Variants in ZNF423 observed in about 807,000 individuals in gnomAD.
ZNF423 encodes the protein zinc finger protein 423.
A neutral mutation model predicts 95.8 loss-of-function variants in ZNF423; 12 were observed. The ratio of observed to expected loss-of-function variants is 0.13; its 90% confidence interval spans 0.08 to 0.20. The LOEUF is 0.20. ZNF423 is among the 10% of genes least tolerant of loss of function. The probability of loss-of-function intolerance (pLI) is 1.00; values close to 1 mark genes in which losing one functional copy is unlikely to be tolerated. For synonymous variants in ZNF423, 749 were observed against 711.9 expected, an observed-to-expected ratio of 1.05 and a Z score of -0.83; for missense variants, 1,316 against 1,737.1, an observed-to-expected ratio of 0.76 and a Z score of 4.31.
At chr16:49,789,462 C>T in intron 2 of ZNF423, 25 bp downstream of exon 2, 2 of 1,609,286 alleles carry the variant, frequency 1.2e-6, no homozygotes, top group Non-Finnish European at 1.7e-6. Context: ...CCCTGCAACT[C>T]TTCCACCAGC....
chr16:49,517,962 A>G, intron 7 of ZNF423: 2 of 453,842 alleles, frequency 4.4e-6, no homozygotes, highest in Admixed American at 2.4e-5. Context: ...TAGGAGCAGC[A>G]CGTCGTTTTG....
intron 1 of ZNF423, among the ~76,000 whole-genome samples, chr16:49,810,923 G>A (rs970964623): frequency 7.9e-5 from 12 of 152,130 alleles, no homozygotes; most frequent in African/African-American, 2.4e-5. Context: ...AGAAGTTCAC[G>A]GGCCCACGAG....
At chr16:49,618,898 C>T (rs1971966607) in intron 5 of ZNF423, among the ~76,000 whole-genome samples, 1 of 152,138 alleles carries the variant, frequency 6.6e-6, no homozygotes, top group African/African-American at 2.4e-5. Flanking sequence ...TTCTCCAGCC[C>T]ATATCCTCCT....
chr16:49,638,444 C>A lies in ZNF423; in HGVS notation c.732G>T (p.Ser244=). 1.2e-6 allele frequency: 2 copies of A among 1,613,888 alleles called. No homozygotes were observed. Among genetic ancestry groups the A allele is most frequent in the Non-Finnish European group, 1.7e-6 (2 of 1,180,044 alleles). ...VCKRGFSSTS[S]LQSHMQAHKK... is the part of the protein sequence containing the mutation. ...TGTGGGCCTGCATGTGGCTCTGCAGCGAGCTGGTGGAGGAGAAGCCGCGCT... is the reference window on the plus strand; with the variant it reads ...TGTGGGCCTGCATGTGGCTCTGCAGAGAGCTGGTGGAGGAGAAGCCGCGCT... Residue 244 remains serine (S), a synonymous_variant, in exon 4 of 8, where the codon TCG becomes TCT. Coordinates refer to ENST00000563137, the MANE Select transcript of ZNF423 (RefSeq NM_001379286.1). The surrounding 1 kb of genome is among the most constrained non-coding windows in gnomAD (Gnocchi z 5.6).
At chr16:49,630,921 C>T (rs540765416) in intron 4 of ZNF423, among the ~76,000 whole-genome samples, 2 of 152,202 alleles carry the variant, frequency 1.3e-5, no homozygotes, top group African/African-American at 4.8e-5. Context: ...CACATACACA[C>T]AAGACACACA....
chr16:49,512,878 T>C (rs1004238014), intron 7 of ZNF423, among the ~76,000 whole-genome samples: 1 of 152,030 alleles, frequency 6.6e-6, no homozygotes, highest in Non-Finnish European at 1.5e-5. Context: ...AGTGGGTCAC[T>C]TGAGGTCAGA....
chr16:49,555,732 A>G (rs1007247561), intron 5 of ZNF423, among the ~76,000 whole-genome samples: 2 of 152,158 alleles, frequency 1.3e-5, no homozygotes, highest in African/African-American at 4.8e-5. Flanking sequence ...GAGTGGGCGG[A>G]TGGAAGGATA....
chr16:49,741,130 C>A (rs1215687685), intron 2 of ZNF423, among the ~76,000 whole-genome samples: 3 of 151,900 alleles, frequency 2.0e-5, no homozygotes, highest in African/African-American at 7.3e-5. Context: ...GGAGTGAGCA[C>A]ACAGAAGCCC....
rs148466702 is a variant in ZNF423, at chr16:49,764,245, C to T, written c.100+25242G>A. Among the ~76,000 whole-genome samples the T allele has an allele frequency of 3.9e-5, 6 of 152,320 alleles. No individual in the cohort carries two copies. The East Asian group carries it at 1.2e-3, about 29-fold the overall frequency. ...CGCAGCCTCTCACCACCAGTCCCCTCCAGCATAAGAGAAGACCATGCTGCA... is the reference window on the plus strand; with the variant it reads ...CGCAGCCTCTCACCACCAGTCCCCTTCAGCATAAGAGAAGACCATGCTGCA... On this transcript the variant is annotated intron_variant, in intron 2 of 7. Transcript: ENST00000563137.
intron 5 of ZNF423, among the ~76,000 whole-genome samples, chr16:49,570,124 A>G (rs544636722): frequency 6.6e-6 from 1 of 152,196 alleles, no homozygotes; most frequent in East Asian, 1.9e-4. Context: ...CACAAATGAC[A>G]CTGGCACACT....
chr16:49,858,617 G>A (rs191427545), upstream of ZNF423, among the ~76,000 whole-genome samples: 10 of 151,486 alleles, frequency 6.6e-5, no homozygotes, highest in East Asian at 2.0e-3. This position sits in a 1 kb window ranked among gnomAD's most constrained non-coding sequence, Gnocchi z 4.3. Flanking sequence ...CTTGAGGGCC[G>A]CCCCTCCCCA....
chr16:49,607,615 T>C (rs1971581275), intron 5 of ZNF423, among the ~76,000 whole-genome samples: 1 of 152,234 alleles, frequency 6.6e-6, no homozygotes, highest in Admixed American at 6.5e-5. Context: ...GTTTTAGTCA[T>C]ATGAAAGTAA....
At chr16:49,699,328 A>G (rs2032090803) in intron 3 of ZNF423, among the ~76,000 whole-genome samples, 1 of 152,246 alleles carries the variant, frequency 6.6e-6, no homozygotes, top group Non-Finnish European at 1.5e-5. Context: ...GCTACAAAGG[A>G]GCCCAGGCAG....
chr16:49,725,361 C>T (rs1001245879), intron 3 of ZNF423, among the ~76,000 whole-genome samples: 2 of 151,944 alleles, frequency 1.3e-5, no homozygotes, highest in Non-Finnish European at 2.9e-5. Context: ...CCAGGCTGGG[C>T]AACAGAACAA....
intron 3 of ZNF423, chr16:49,711,427 T>C (rs970706026): frequency 1.3e-5 from 2 of 152,082 alleles, no homozygotes; most frequent in Non-Finnish European, 2.9e-5. Context: ...TAATACTAAA[T>C]GGAAAAAAAG....
intron 5 of ZNF423, among the ~76,000 whole-genome samples, chr16:49,555,538 T>C (rs1408507988): frequency 6.6e-6 from 1 of 152,202 alleles, no homozygotes; most frequent in Non-Finnish European, 1.5e-5. Context: ...TGCTAGTAAG[T>C]GTTGAAGGTA....
intron 1 of ZNF423, among the ~76,000 whole-genome samples, chr16:49,794,419 C>T (rs1027743969): frequency 3.9e-5 from 6 of 152,086 alleles, no homozygotes; most frequent in Non-Finnish European, 7.4e-5. Flanking sequence ...CCTCTCCTGT[C>T]GGTCACCTTG....
intron 3 of ZNF423, among the ~76,000 whole-genome samples, chr16:49,709,546 G>A (rs559287393): frequency 6.6e-6 from 1 of 152,124 alleles, no homozygotes; most frequent in African/African-American, 2.4e-5. Context: ...TCAGCCAGGG[G>A]CAGCAACCGC....
intron 1 of ZNF423, among the ~76,000 whole-genome samples, chr16:49,853,279 T>C (rs111674044): frequency 3.0e-3 from 411 of 135,372 alleles, no homozygotes; most frequent in African/African-American, 0.011. Flanking sequence ...CTTTTGAATA[T>C]TGCTTAAGAG....
Sources: allele counts gnomAD v4.1 joint callset (sites outside exome capture counted in the v4.1 genomes callset), GRCh38; gene constraint gnomAD v4.1.1; non-coding constraint Gnocchi (gnomAD v3.1); transcripts MANE v1.5; gene names NCBI Gene and HGNC (gene_info 2026-07-23, HGNC 2026-07-21).